Variants in WDR93 observed in about 807,000 individuals in gnomAD.
The protein encoded by WDR93 is WD repeat-containing protein 93.
A neutral mutation model predicts 82.9 loss-of-function variants in WDR93; 73 were observed. The observed-to-expected ratio is 0.88, with a 90% confidence interval of 0.73 to 1.07. The LOEUF (loss-of-function observed/expected upper bound fraction) is 1.07. WDR93 is among the 50% of genes least tolerant of loss of function. The pLI, the probability that WDR93 is intolerant of heterozygous loss-of-function variation, is 0.00. For missense variants in WDR93, 738 were observed against 826.0 expected (o/e 0.89, Z 1.31); for synonymous variants, 283 against 300.1 (o/e 0.94, Z 0.59).
At chr15:89,741,366 C>T (rs1401576669) in intron 16 of WDR93, among the ~76,000 whole-genome samples, 1 of 151,960 alleles carries the variant, frequency 6.6e-6, no homozygotes, top group Non-Finnish European at 1.5e-5. Context: ...CAACTGGGGC[C>T]ACAGGCATGC....
intron 11 of WDR93, 43 bp downstream of exon 11, chr15:89,729,812 GCAGAC>G: frequency 1.3e-6 from 2 of 1,490,848 alleles, no homozygotes; most frequent in Non-Finnish European, 1.9e-6. Flanking sequence ...CTCAGGACTT[GCAGAC>G]ATGTCCTTCT....
chr15:89,718,400 G>A (rs1242403372), intron 7 of WDR93, among the ~76,000 whole-genome samples: 1 of 150,888 alleles, frequency 6.6e-6, no homozygotes, highest in Non-Finnish European at 1.5e-5. Context: ...CTTGAACCCG[G>A]GAGGCGGAGG....
intron 8 of WDR93, among the ~76,000 whole-genome samples, chr15:89,724,297 G>A (rs974887229): frequency 1.3e-5 from 2 of 152,022 alleles, no homozygotes; most frequent in Admixed American, 1.3e-4. Context: ...AGCTGAAATC[G>A]CACCATTGCA....
intron 14 of WDR93, among the ~76,000 whole-genome samples, chr15:89,735,983 C>T (rs897593037): frequency 2.0e-4 from 31 of 152,256 alleles, no homozygotes; most frequent in South Asian, 2.1e-4. Flanking sequence ...CAGTATCTGC[C>T]ACATGAGATT....
At chr15:89,725,661 C>T (rs751210025) in intron 8 of WDR93, among the ~76,000 whole-genome samples, 2 of 151,674 alleles carry the variant, frequency 1.3e-5, no homozygotes, top group Non-Finnish European at 2.9e-5. Context: ...CTCTGCTTCC[C>T]AAGCAATCCT....
At chr15:89,702,853 T>C in intron 2 of WDR93, 97 bp from the exon 3 acceptor site, 1 of 1,317,454 alleles carries the variant, frequency 7.6e-7, no homozygotes, top group Admixed American at 2.4e-5. Flanking sequence ...AATGTTATTA[T>C]TATCTAGGAA....
intron 8 of WDR93, among the ~76,000 whole-genome samples, chr15:89,723,798 A>G (rs1481995172): frequency 2.0e-5 from 3 of 152,210 alleles, no homozygotes; most frequent in Non-Finnish European, 4.4e-5. Context: ...TGTGGAGACA[A>G]AAATAAAACT....
At chr15:89,733,655 A>C (rs185476429) in intron 13 of WDR93, among the ~76,000 whole-genome samples, 44 of 152,252 alleles carry the variant, frequency 2.9e-4, no homozygotes, top group African/African-American at 1.0e-3. Flanking sequence ...CTAGAACATG[A>C]GCACACTCAA....
At chr15:89,693,431 T>A (rs951304254) in intron 1 of WDR93, among the ~76,000 whole-genome samples, 2 of 152,314 alleles carry the variant, frequency 1.3e-5, no homozygotes, top group East Asian at 1.9e-4. Context: ...AGTCTTTGTA[T>A]GGACATATGT....
intron 1 of WDR93, among the ~76,000 whole-genome samples, chr15:89,698,446 A>G (rs1225737931): frequency 6.6e-6 from 1 of 152,084 alleles, no homozygotes; most frequent in Non-Finnish European, 1.5e-5. Flanking sequence ...GTGATTATTG[A>G]TATGGTTAGA....
intron 4 of WDR93, among the ~76,000 whole-genome samples, chr15:89,711,411 A>G (rs1965968656): frequency 1.3e-5 from 2 of 152,050 alleles, no homozygotes; most frequent in South Asian, 4.1e-4. Context: ...CTATAATCCT[A>G]GCACTTTGAG....
At chr15:89,707,610 GAAA>G (rs143942833) in intron 4 of WDR93, among the ~76,000 whole-genome samples, 30,488 of 151,546 alleles carry the variant, frequency 0.2, 3,245 homozygotes, top group Middle Eastern at 0.29. Flanking sequence ...AAACAACAAA[GAAA>G]AAAAGGAAAA....
rs745990867 is a variant in WDR93, at chr15:89,716,952, AAGAAACTTTAAAG to A, written c.795+5_795+17del. On this transcript the variant is annotated splice_donor_5th_base_variant and intron_variant, in intron 7 of 16. Coordinates refer to ENST00000268130, the MANE Select transcript of WDR93 (RefSeq NM_020212.2). ...TTTCTGCAGATCCTTTAGAAATGGT[AAGAAACTTTAAAG>A]AAAATCTCCAGAGAGACTTAAGTTT... is the stretch of plus-strand genomic sequence containing the variant. The A allele has an allele frequency of 6.5e-7, 1 of 1,528,446 alleles. No homozygotes were observed. 94.7% of individuals were successfully genotyped at this position (1,528,446 alleles called of 1,614,324 possible). A position where few individuals can be genotyped will look rare whatever the true frequency, so the allele number is the denominator to read the frequency against.
Position 89,727,232 on chromosome 15 carries a change from A to G in WDR93, c.956A>G (p.His319Arg). The change falls in exon 9 of 17, where the codon CAT becomes CGT. Residue 319 changes from histidine (H) to arginine (R), a missense_variant. His to Arg is a conservative substitution (Grantham distance 29). Coordinates refer to ENST00000268130, the MANE Select transcript of WDR93 (RefSeq NM_020212.2). Reference sequence around the variant, plus strand: ...TACGGACTGGGCTCCGGGCAGAATCATTTCATCAAGGACAGTCAGTGGGAG... The same window carrying G: ...TACGGACTGGGCTCCGGGCAGAATCGTTTCATCAAGGACAGTCAGTGGGAG... ...DCYGLGSGQNHFIKDSQWEQQ... is the reference protein window; with the variant it reads ...DCYGLGSGQNRFIKDSQWEQQ... 6.2e-7 allele frequency: 1 copy of G among 1,614,178 alleles called. No individual in the cohort carries two copies. The highest frequency in any genetic ancestry group is 8.5e-7 in the Non-Finnish European group (1 of 1,180,030).
intron 9 of WDR93, among the ~76,000 whole-genome samples, chr15:89,728,159 C>G (rs1171842566): frequency 1.3e-5 from 2 of 152,132 alleles, no homozygotes; most frequent in Non-Finnish European, 2.9e-5. Flanking sequence ...AAATTTTTCT[C>G]CATTTCCTTC....
intron 4 of WDR93, among the ~76,000 whole-genome samples, chr15:89,710,352 T>C (rs77641073): frequency 0.011 from 1,744 of 152,270 alleles, 34 homozygotes; most frequent in African/African-American, 0.04. Flanking sequence ...GTTCTAATTA[T>C]GAAATTATAT....
intron 1 of WDR93, among the ~76,000 whole-genome samples, chr15:89,700,979 TACAC>T (rs34106334): frequency 0.18 from 26,423 of 150,008 alleles, 2,452 homozygotes; most frequent in Middle Eastern, 0.25. Flanking sequence ...TATGTGTGTG[TACAC>T]ACACACACAC....
intron 10 of WDR93, 86 bp downstream of exon 10, chr15:89,729,179 A>G: frequency 7.8e-7 from 1 of 1,277,400 alleles, no homozygotes; most frequent in Non-Finnish European, 1.1e-6. Flanking sequence ...GATGTTCCCC[A>G]ACAAACCTCG....
intron 1 of WDR93, among the ~76,000 whole-genome samples, chr15:89,698,623 C>T (rs1009775987): frequency 6.6e-6 from 1 of 152,086 alleles, no homozygotes; most frequent in Non-Finnish European, 1.5e-5. Context: ...TTAGAGTATG[C>T]ATCTTTAACC....
Sources: gnomAD v4.1 joint callset for allele counts (sites outside exome capture counted in the v4.1 genomes callset) on GRCh38, gnomAD v4.1.1 for gene constraint, MANE v1.5 for transcripts, NCBI Gene and HGNC (gene_info 2026-07-23, HGNC 2026-07-21) for gene names.